KCNQ5: variants seen among roughly 807,000 people sequenced by gnomAD.
The protein encoded by KCNQ5 is potassium voltage-gated channel subfamily KQT member 5.
KCNQ5 carries 30 observed loss-of-function variants against 98.2 expected under a neutral mutation model. The observed-to-expected ratio is 0.31, with a 90% CI of 0.23 to 0.41. KCNQ5 has a LOEUF of 0.41. Ranked by LOEUF, KCNQ5 falls within the 10% of genes least tolerant of loss-of-function variation. The probability of loss-of-function intolerance (pLI) is 1.00; values close to 1 mark genes in which losing one functional copy is unlikely to be tolerated. For missense variants in KCNQ5, 835 were observed against 1,182.5 expected (o/e 0.71, Z 4.31); for synonymous variants, 458 against 449.4 (o/e 1.02, Z -0.24).
chr6:72,949,741 C>T (rs1034898248), intron 1 of KCNQ5, among the ~76,000 whole-genome samples: 2 of 152,150 alleles, frequency 1.3e-5, no homozygotes, highest in Non-Finnish European at 2.9e-5. Context: ...TCACTCTTTC[C>T]ATTCTTTTTC....
chr6:73,177,662 G>C (rs994477277), intron 11 of KCNQ5, among the ~76,000 whole-genome samples: 1 of 152,204 alleles, frequency 6.6e-6, no homozygotes, highest in African/African-American at 2.4e-5. Flanking sequence ...ATCATCACCA[G>C]TTCTTAATTT....
At chr6:72,980,745 T>C (rs902806939) in intron 1 of KCNQ5, among the ~76,000 whole-genome samples, 8 of 152,242 alleles carry the variant, frequency 5.3e-5, no homozygotes, top group Non-Finnish European at 1.2e-4. Flanking sequence ...CATCCCTGTC[T>C]TGTGCCAGTT....
chr6:72,988,479 GAAC>G (rs1391158888), intron 1 of KCNQ5, among the ~76,000 whole-genome samples: 2 of 152,058 alleles, frequency 1.3e-5, no homozygotes, highest in Non-Finnish European at 2.9e-5. Context: ...GTAAACATGG[GAAC>G]AATAGACACT....
intron 1 of KCNQ5, among the ~76,000 whole-genome samples, chr6:72,737,411 G>A (rs1034734720): frequency 9.2e-5 from 14 of 151,660 alleles, no homozygotes; most frequent in African/African-American, 3.1e-4. Context: ...TGCCTCTGGT[G>A]GGACAACAAT....
At chr6:72,904,425 GT>G (rs1779622146) in intron 1 of KCNQ5, among the ~76,000 whole-genome samples, 2 of 152,014 alleles carry the variant, frequency 1.3e-5, no homozygotes, top group Admixed American at 1.3e-4. Flanking sequence ...TTGGTTTTTT[GT>G]TTGGTTTTTT....
At chr6:72,831,530 G>A (rs528531667) in intron 1 of KCNQ5, among the ~76,000 whole-genome samples, 14 of 150,126 alleles carry the variant, frequency 9.3e-5, no homozygotes, top group Admixed American at 3.3e-4. Context: ...AATGACCAAT[G>A]AGAACACTTG....
In KCNQ5 at chr6:72,843,574, A is replaced by G. The variant is rs565735053; in HGVS notation, c.399-160334A>G. Among the ~76,000 whole-genome samples, 13 of 152,330 alleles carry G rather than the reference A, an allele frequency of 8.5e-5. No homozygotes were observed. In the South Asian group the frequency reaches 2.5e-3, roughly 29 times the overall value. Reference sequence around the variant, plus strand: ...ATTGAATCTATAAGTTACTTTGGGCAGTATGGCCATTTTCACGATATTGAT... The same window carrying G: ...ATTGAATCTATAAGTTACTTTGGGCGGTATGGCCATTTTCACGATATTGAT... On this transcript the variant is annotated intron_variant, in intron 1 of 13. Coordinates refer to ENST00000370398, the MANE Select transcript of KCNQ5 (RefSeq NM_019842.4).
chr6:72,836,425 GCT>G (rs1224107502), intron 1 of KCNQ5, among the ~76,000 whole-genome samples: 2 of 151,768 alleles, frequency 1.3e-5, no homozygotes, highest in Non-Finnish European at 2.9e-5. Context: ...CAAATTTGGT[GCT>G]CTCTCTCTGT....
At chr6:72,645,760 G>A (rs1765569124) in intron 1 of KCNQ5, among the ~76,000 whole-genome samples, 1 of 152,000 alleles carries the variant, frequency 6.6e-6, no homozygotes, top group African/African-American at 2.4e-5. Flanking sequence ...TATCATGCTT[G>A]GCTTCTTGAA....
At chr6:73,181,134 A>C (rs1778391582) in intron 11 of KCNQ5, among the ~76,000 whole-genome samples, 2 of 152,122 alleles carry the variant, frequency 1.3e-5, no homozygotes, top group South Asian at 4.1e-4. Context: ...TTATTTCTTC[A>C]TGCTCAGAAA....
chr6:73,124,936 G>GATATATATATATATAT (rs1180218889), intron 9 of KCNQ5, among the ~76,000 whole-genome samples: 2 of 76,296 alleles, frequency 2.6e-5, no homozygotes, highest in African/African-American at 4.4e-5. Context: ...CTTTTGGAGT[G>GATATATATATATATAT]ATATATATAT....
chr6:72,635,095 C>T (rs1454158122), intron 1 of KCNQ5, among the ~76,000 whole-genome samples: 1 of 150,780 alleles, frequency 6.6e-6, no homozygotes, highest in Non-Finnish European at 1.5e-5. Flanking sequence ...TGTACAATCA[C>T]AGCTCACTGC....
rs1451717439 is a variant in KCNQ5, at chr6:73,194,737, A to G, written c.2122A>G (p.Thr708Ala). 1 of 1,614,232 alleles carries G rather than the reference A, an allele frequency of 6.2e-7. No homozygotes were observed. The highest frequency in any genetic ancestry group is 1.1e-5 in the South Asian group (1 of 91,088). The stretch of plus-strand genomic sequence containing the variant: ...CCAGACTTTCTACGCGCTTAGCCCT[A>G]CTATGCACAGTCAAGCAACACAGGT... The part of the protein sequence containing the change: ...SAQTFYALSP[T>A]MHSQATQVPI... Residue 708 changes from threonine to alanine, a missense_variant, in exon 14 of 14, where the codon ACT (threonine) becomes GCT (alanine). Physicochemically the swap from Thr to Ala is moderately conservative, Grantham distance 58. This residue lies in a region of KCNQ5 where 416 missense variants were observed against 446.9 expected (regional missense o/e 0.93). Transcript: ENST00000370398.
intron 1 of KCNQ5, among the ~76,000 whole-genome samples, chr6:72,691,218 C>T (rs1464828471): frequency 1.3e-5 from 2 of 152,116 alleles, no homozygotes; most frequent in East Asian, 1.9e-4. Flanking sequence ...TCTCCATAGC[C>T]TCAATAATAA....
chr6:72,642,128 TAGGGAAG>T (rs1340241879), intron 1 of KCNQ5, among the ~76,000 whole-genome samples: 1 of 149,814 alleles, frequency 6.7e-6, no homozygotes. Flanking sequence ...CTATTTGTCC[TAGGGAAG>T]AGGGTTAGCT....
intron 1 of KCNQ5, chr6:72,987,882 C>T (rs1271854510): frequency 2.6e-5 from 8 of 306,778 alleles, no homozygotes; most frequent in Non-Finnish European, 4.4e-5. Context: ...ATAAATAACT[C>T]CCATAAACTT....
chr6:72,763,421 A>G (rs150971288), intron 1 of KCNQ5, among the ~76,000 whole-genome samples: 4 of 152,148 alleles, frequency 2.6e-5, no homozygotes, highest in Admixed American at 6.6e-5. Context: ...ATCTCCTGTC[A>G]TATTATTTCC....
intron 1 of KCNQ5, among the ~76,000 whole-genome samples, chr6:72,846,399 T>G (rs1777023153): frequency 1.3e-5 from 2 of 151,822 alleles, no homozygotes. Context: ...AAAATTGAAG[T>G]GGGGCCTGGC....
chr6:72,736,517 T>TTTTTTTTTTTA (rs1770844667), intron 1 of KCNQ5, among the ~76,000 whole-genome samples: 18 of 145,278 alleles, frequency 1.2e-4, no homozygotes, highest in South Asian at 2.2e-4. Context: ...TTTTTTTTTT[T>TTTTTTTTTTTA]GAGACGGAGT....
Sources: gnomAD v4.1 joint callset for allele counts (sites outside exome capture counted in the v4.1 genomes callset) on GRCh38, gnomAD v4.1.1 for gene constraint, gnomAD v4.1.1 regional missense constraint, MANE v1.5 for transcripts, NCBI Gene and HGNC (gene_info 2026-07-23, HGNC 2026-07-21) for gene names.